The following PTPRT variants were observed in gnomAD, a reference collection of about 807,000 sequenced individuals.
PTPRT encodes receptor-type tyrosine-protein phosphatase T.
In PTPRT, 56 loss-of-function variants were observed where a neutral mutation model predicts 176.8. The observed-to-expected ratio is 0.32, with a 90% CI of 0.26 to 0.40. PTPRT has a LOEUF of 0.40. Among genes scored for constraint, PTPRT ranks in the 10% least tolerant of loss-of-function variants. PTPRT has a pLI of 1.00. For missense variants in PTPRT, 1,540 were observed against 1,908.2 expected (o/e 0.81, Z 3.60); for synonymous variants, 783 against 739.0 (o/e 1.06, Z -0.96).
intron 15 of PTPRT, among the ~76,000 whole-genome samples, chr20:42,214,850 C>T (rs2055731556): frequency 6.6e-6 from 1 of 152,230 alleles, no homozygotes; most frequent in Admixed American, 6.5e-5. Flanking sequence ...AGGAATAGCA[C>T]TGACTTTGGA....
chr20:42,706,559 A>G (rs1258388837), intron 6 of PTPRT, among the ~76,000 whole-genome samples: 1 of 152,196 alleles, frequency 6.6e-6, no homozygotes, highest in African/African-American at 2.4e-5. Flanking sequence ...ATATGGGCAC[A>G]TAGGCATCTC....
At chr20:43,040,452 T>C (rs1206085684) in intron 1 of PTPRT, among the ~76,000 whole-genome samples, 1 of 152,206 alleles carries the variant, frequency 6.6e-6, no homozygotes, top group African/African-American at 2.4e-5. Flanking sequence ...AAACAATAAA[T>C]ATTTTTAAAA....
intron 9 of PTPRT, among the ~76,000 whole-genome samples, chr20:42,433,307 C>T (rs1601016159): frequency 2.0e-5 from 3 of 152,218 alleles, no homozygotes; most frequent in African/African-American, 4.8e-5. Context: ...AAAAGAAATC[C>T]AGAAATTACC....
At chr20:42,844,466 T>G (rs2078333877) in intron 2 of PTPRT, among the ~76,000 whole-genome samples, 1 of 152,286 alleles carries the variant, frequency 6.6e-6, no homozygotes, top group African/African-American at 2.4e-5. Context: ...GCTCAGGTGA[T>G]TTCATTGGTT....
chr20:42,683,935 T>C (rs2075648374), intron 6 of PTPRT, among the ~76,000 whole-genome samples: 1 of 152,230 alleles, frequency 6.6e-6, no homozygotes. Context: ...ACTGAATGAC[T>C]ACCCTAACAG....
chr20:43,003,214 G>T (rs950849206), intron 1 of PTPRT, among the ~76,000 whole-genome samples: 4 of 152,052 alleles, frequency 2.6e-5, no homozygotes. Context: ...TTGAGACAGG[G>T]TCTCACTCTG....
At chr20:42,871,290 G>T (rs2078841711) in intron 2 of PTPRT, among the ~76,000 whole-genome samples, 1 of 142,686 alleles carries the variant, frequency 7.0e-6, no homozygotes. Context: ...ATCTTCTTTG[G>T]ACAAATGTCT....
chr20:42,263,911 C>A (rs2056797101), intron 13 of PTPRT, among the ~76,000 whole-genome samples: 1 of 151,870 alleles, frequency 6.6e-6, no homozygotes, highest in South Asian at 2.1e-4. Flanking sequence ...ACATGGGGAC[C>A]CCAATTTGGA....
the PTPRT span, among the ~76,000 whole-genome samples, chr20:42,056,877 G>A: frequency 6.6e-6 from 1 of 152,168 alleles, no homozygotes; most frequent in Non-Finnish European, 1.5e-5. Flanking sequence ...ACTTCTTGGA[G>A]GAGGTCTCTT....
intron 7 of PTPRT, among the ~76,000 whole-genome samples, chr20:42,550,722 C>T (rs974227124): frequency 2.6e-5 from 4 of 151,920 alleles, no homozygotes; most frequent in Non-Finnish European, 5.9e-5. Context: ...AAGATTACAC[C>T]TGTGGAAAAA....
chr20:42,251,452 G>T (rs751950977), intron 13 of PTPRT, among the ~76,000 whole-genome samples: 19 of 152,064 alleles, frequency 1.2e-4, no homozygotes, highest in Non-Finnish European at 2.6e-4. Flanking sequence ...TGGTGGTTGG[G>T]GGTAGGGGAA....
intron 2 of PTPRT, among the ~76,000 whole-genome samples, chr20:42,827,136 G>C (rs2078007841): frequency 6.7e-6 from 1 of 149,732 alleles, no homozygotes; most frequent in Admixed American, 6.6e-5. Context: ...GAGAGTATCA[G>C]ACAGATCATT....
chr20:42,091,809 GGA>G (rs144848809), intron 27 of PTPRT, among the ~76,000 whole-genome samples: 4 of 151,804 alleles, frequency 2.6e-5, no homozygotes, highest in Admixed American at 1.3e-4. Context: ...GAGAGAGGGG[GGA>G]GAGAGAGAGA....
chr20:42,050,001 C>T, the PTPRT span, among the ~76,000 whole-genome samples: 1 of 152,224 alleles, frequency 6.6e-6, no homozygotes. Flanking sequence ...CTGAGCATAC[C>T]ATCAGCATAC....
At chr20:42,265,804 T>C (rs2056829921) in intron 13 of PTPRT, among the ~76,000 whole-genome samples, 1 of 152,172 alleles carries the variant, frequency 6.6e-6, no homozygotes, top group Non-Finnish European at 1.5e-5. Context: ...TGCTTCATCA[T>C]CTTCTCTTGG....
At chr20:43,006,218 T>C (rs1984848357) in intron 1 of PTPRT, among the ~76,000 whole-genome samples, 3 of 152,226 alleles carry the variant, frequency 2.0e-5, no homozygotes, top group Admixed American at 2.0e-4. Context: ...ATAAACATCA[T>C]TTTTAAAAAT....
At chr20:42,220,102 A>C (rs1229083681) in intron 15 of PTPRT, among the ~76,000 whole-genome samples, 1 of 152,078 alleles carries the variant, frequency 6.6e-6, no homozygotes, top group Non-Finnish European at 1.5e-5. Flanking sequence ...ATAATGAACA[A>C]TTAGAATCTG....
chr20:42,079,251 G>A lies in PTPRT; in HGVS notation c.*1628C>T, dbSNP rs577855375. The A allele has an allele frequency of 4.8e-6, 1 of 208,242 alleles. No individual in the cohort carries two copies. The highest frequency in any genetic ancestry group is 9.8e-6 in the Non-Finnish European group (1 of 102,170). The allele number at this position is 208,242 out of a possible 1,614,324, so 12.9% of individuals were successfully genotyped here. On this transcript the variant is annotated 3_prime_UTR_variant, in exon 31 of 31. Transcript: ENST00000373187. ...ATCTGAAATTCTGCGCTTCCCAGAA[G>A]AACTGGCATCAGGAAGAAAGTACTA...
At chr20:42,527,195 C>T (rs2072290926) in intron 7 of PTPRT, among the ~76,000 whole-genome samples, 1 of 151,952 alleles carries the variant, frequency 6.6e-6, no homozygotes, top group Admixed American at 6.5e-5. Flanking sequence ...TATCTCCTGA[C>T]CTCGTGATCC....
Sources: gnomAD v4.1 joint callset for allele counts (sites outside exome capture counted in the v4.1 genomes callset) on GRCh38, gnomAD v4.1.1 for gene constraint, MANE v1.5 for transcripts, NCBI Gene and HGNC (gene_info 2026-07-23, HGNC 2026-07-21) for gene names.